Variants in LIMA1 observed in about 807,000 individuals in gnomAD.
LIMA1 encodes LIM domain and actin-binding protein 1.
A neutral mutation model predicts 62.6 loss-of-function variants in LIMA1; 52 were observed. The ratio of observed to expected loss-of-function variants is 0.83; its 90% CI spans 0.67 to 1.05. The LOEUF is 1.05. Ranked by LOEUF, LIMA1 falls within the 50% of genes least tolerant of loss-of-function variation. LIMA1 has a pLI of 0.00. For missense variants in LIMA1, 780 were observed against 902.2 expected (o/e 0.86, Z 1.74); for synonymous variants, 302 against 317.8 (o/e 0.95, Z 0.53).
intron 9 of LIMA1, chr12:50,187,182 A>T (rs1171001325): frequency 6.6e-6 from 1 of 152,154 alleles, no homozygotes; most frequent in Non-Finnish European, 1.5e-5. Flanking sequence ...GCATGGCTTC[A>T]TTTACATTCT....
chr12:50,179,659 A>C (rs757702179), intron 10 of LIMA1, among the ~76,000 whole-genome samples: 26 of 123,042 alleles, frequency 2.1e-4, no homozygotes, highest in Non-Finnish European at 4.0e-4. Flanking sequence ...GGATGGTCTC[A>C]ATCTCCTGAC....
chr12:50,196,712 A>T (rs1940937492), intron 7 of LIMA1, among the ~76,000 whole-genome samples: 3 of 152,162 alleles, frequency 2.0e-5, no homozygotes, highest in Admixed American at 2.0e-4. Flanking sequence ...GAGTGTTTAT[A>T]TCAGGATGTC....
intron 5 of LIMA1, 43 bp from the exon 6 acceptor site, chr12:50,204,743 G>A (rs956081181): frequency 6.3e-7 from 1 of 1,586,808 alleles, no homozygotes; most frequent in Non-Finnish European, 8.6e-7. Flanking sequence ...TTTCTGAGAT[G>A]GGGTCTCACT....
At chr12:50,184,161 G>A (rs1428266296) in intron 9 of LIMA1, among the ~76,000 whole-genome samples, 2 of 152,332 alleles carry the variant, frequency 1.3e-5, no homozygotes, top group East Asian at 3.9e-4. Flanking sequence ...TTACAACCTA[G>A]TTTAGCATAA....
At chr12:50,196,646 GCA>G (rs1423129223) in intron 7 of LIMA1, among the ~76,000 whole-genome samples, 3 of 152,158 alleles carry the variant, frequency 2.0e-5, no homozygotes, top group Admixed American at 2.0e-4. Context: ...GACCCAATGT[GCA>G]CTCTTCACAT....
chr12:50,232,925 T>G (rs1352986411), intron 2 of LIMA1, among the ~76,000 whole-genome samples: 9 of 152,198 alleles, frequency 5.9e-5, no homozygotes, highest in Non-Finnish European at 1.3e-4. Flanking sequence ...AGGCGGAGGT[T>G]GCAGTGAGCT....
chr12:50,268,241 A>G (rs879262860), intron 1 of LIMA1, among the ~76,000 whole-genome samples: 1 of 152,160 alleles, frequency 6.6e-6, no homozygotes, highest in Non-Finnish European at 1.5e-5. Context: ...TAAGCAGAGC[A>G]CAACCCTGTA....
At chr12:50,180,917 CCTGG>C (rs1045547559) in intron 10 of LIMA1, among the ~76,000 whole-genome samples, 5 of 151,778 alleles carry the variant, frequency 3.3e-5, no homozygotes, top group African/African-American at 1.2e-4. Flanking sequence ...TCAAGACCAT[CCTGG>C]CTAACATGGT....
intron 4 of LIMA1, chr12:50,217,801 A>G: frequency 3.2e-6 from 1 of 308,916 alleles, no homozygotes; most frequent in Non-Finnish European, 6.5e-6. Flanking sequence ...GTAGCTTCAC[A>G]TCCAGCCTGG....
intron 1 of LIMA1, among the ~76,000 whole-genome samples, chr12:50,262,610 C>A (rs1000580145): frequency 7.5e-5 from 11 of 145,980 alleles, no homozygotes; most frequent in Non-Finnish European, 1.6e-4. Flanking sequence ...CTGTTCTCTG[C>A]CAAAAAATAA....
chr12:50,181,978 C>T lies in LIMA1; in HGVS notation c.1200G>A (p.Met400Ile). ...CVECQKTVYP[M>I]ERLLANQQVF... ...CCTGCTGGTTGGCCAAGAGACGCTCCATTGGATAGACTGTCTTCTGACATT... is the reference window on the plus strand; with the variant it reads ...CCTGCTGGTTGGCCAAGAGACGCTCTATTGGATAGACTGTCTTCTGACATT... Residue 400 changes from methionine to isoleucine, a missense_variant, in exon 10 of 11, where the codon ATG (methionine) becomes ATA (isoleucine). Transcript: ENST00000341247. 1 of 1,613,556 alleles carries T rather than the reference C, an allele frequency of 6.2e-7. No homozygotes were observed. Among genetic ancestry groups the T allele is most frequent in the Non-Finnish European group, 8.5e-7 (1 of 1,180,022 alleles).
At chr12:50,200,700 G>C in intron 7 of LIMA1, 77 bp downstream of exon 7, 1 of 1,460,232 alleles carries the variant, frequency 6.8e-7, no homozygotes, top group Non-Finnish European at 9.6e-7. Flanking sequence ...CCTAGAGTTA[G>C]AGTTGTTTCT....
At chr12:50,258,181 G>T (rs982054331) in intron 1 of LIMA1, among the ~76,000 whole-genome samples, 5 of 152,146 alleles carry the variant, frequency 3.3e-5, no homozygotes, top group Non-Finnish European at 5.9e-5. Context: ...GGAGAAGTTA[G>T]CATCTGGGCA....
chr12:50,222,958 G>A (rs1941472927), intron 3 of LIMA1, among the ~76,000 whole-genome samples: 1 of 151,806 alleles, frequency 6.6e-6, no homozygotes, highest in Non-Finnish European at 1.5e-5. Flanking sequence ...CAAAGATGCA[G>A]GATAGTTGCA....
At chr12:50,263,882 A>G (rs1025880992) in intron 1 of LIMA1, among the ~76,000 whole-genome samples, 4 of 107,412 alleles carry the variant, frequency 3.7e-5, no homozygotes, top group East Asian at 3.6e-4. Context: ...TATATAAAGT[A>G]TATATATATA....
chr12:50,192,794 A>C (rs1179000534), intron 8 of LIMA1, among the ~76,000 whole-genome samples: 1 of 152,216 alleles, frequency 6.6e-6, no homozygotes, highest in Non-Finnish European at 1.5e-5. Context: ...ACCCTCTGCC[A>C]CACGTAGCAG....
At position 50,177,683 on chromosome 12, in the gene LIMA1, G is replaced by T. The variant is rs1372775634; in HGVS notation, c.1661C>A (p.Pro554His). 1 of 1,610,104 alleles carries T rather than the reference G, an allele frequency of 6.2e-7. No individual in the cohort carries two copies. The highest frequency in any genetic ancestry group is 8.5e-7 in the Non-Finnish European group (1 of 1,178,540). Residue 554 changes from proline (P) to histidine (H), a missense_variant, in exon 11 of 11, where the codon CCC (proline) becomes CAC (histidine). Pro to His is a moderately conservative substitution (Grantham distance 77, BLOSUM62 -2). Coordinates refer to ENST00000341247, the MANE Select transcript of LIMA1 (RefSeq NM_016357.5). ...ALEEGIKMSK[P>H]KWPPEDEISK... is the part of the protein sequence containing the mutation. ...GATTTCGTCTTCAGGAGGCCATTTG[G>T]GCTTTGACATTTTGATCCCTTCCTC... is the stretch of plus-strand genomic sequence containing the variant.
intron 1 of LIMA1, among the ~76,000 whole-genome samples, chr12:50,282,189 C>T (rs1337038098): frequency 1.3e-5 from 2 of 152,034 alleles, no homozygotes; most frequent in African/African-American, 4.8e-5. Context: ...CCAGGTTATA[C>T]CTCTACAGGA....
In LIMA1 at chr12:50,239,714, G is replaced by A. The variant is rs181114580; in HGVS notation, c.120-8004C>T. On this transcript the variant is annotated intron_variant, in intron 2 of 10. Transcript: ENST00000341247. ...TATTCTTTGTCAGCTAAAAACAAATGGATGAGTACGATGGCTCAAGCCTGT... is the reference window on the plus strand; with the variant it reads ...TATTCTTTGTCAGCTAAAAACAAATAGATGAGTACGATGGCTCAAGCCTGT... Among the ~76,000 whole-genome samples the A allele has an allele frequency of 4.3e-4, 65 of 152,176 alleles. 1 individual carries two copies. The highest frequency in any genetic ancestry group is 1.5e-3 in the African/African-American group (61 of 41,512).
Sources: gnomAD v4.1 joint callset for allele counts (sites outside exome capture counted in the v4.1 genomes callset) on GRCh38, gnomAD v4.1.1 for gene constraint, MANE v1.5 for transcripts, NCBI Gene and HGNC (gene_info 2026-07-23, HGNC 2026-07-21) for gene names.